PDE4D: variants seen among roughly 807,000 people sequenced by gnomAD.
The protein encoded by PDE4D is 3',5'-cyclic-AMP phosphodiesterase 4D.
Under a neutral mutation model 87.4 loss-of-function variants are expected in PDE4D, and 24 were observed. The observed-to-expected ratio is 0.27, with a 90% confidence interval of 0.20 to 0.39. The LOEUF (loss-of-function observed/expected upper bound fraction) is 0.39, where lower values mean the gene tolerates loss of function less well. PDE4D is among the 10% of genes least tolerant of loss of function. The pLI, the probability that PDE4D is intolerant of heterozygous loss-of-function variation, is 1.00. For synonymous variants in PDE4D, 384 were observed against 383.2 expected (o/e 1.00, Z -0.02); for missense variants, 714 against 1,041.0 (o/e 0.69, Z 4.32).
intron 1 of PDE4D, among the ~76,000 whole-genome samples, chr5:59,288,057 C>G (rs1767323332): frequency 6.6e-6 from 1 of 152,022 alleles, no homozygotes; most frequent in Admixed American, 6.6e-5. Context: ...AATGCCCAGA[C>G]AACAACGAAC....
At chr5:59,538,295 A>C (rs2153682874) in intron 1 of PDE4D, among the ~76,000 whole-genome samples, 1 of 152,310 alleles carries the variant, frequency 6.6e-6, no homozygotes, top group Admixed American at 6.5e-5. Flanking sequence ...TTATGAGAAT[A>C]AAGAGGCCTA....
intron 1 of PDE4D, among the ~76,000 whole-genome samples, chr5:59,297,061 G>A (rs190358799): frequency 1.5e-3 from 235 of 152,254 alleles, no homozygotes; most frequent in African/African-American, 5.3e-3. Context: ...GATCTTTCTG[G>A]AGGAGAGATA....
At chr5:60,431,492 G>A (rs1476168145) in intron 1 of PDE4D, among the ~76,000 whole-genome samples, 6 of 151,510 alleles carry the variant, frequency 4.0e-5, no homozygotes, top group African/African-American at 7.3e-5. Flanking sequence ...GGGCAGAGAC[G>A]CTCCTCACTT....
intron 1 of PDE4D, among the ~76,000 whole-genome samples, chr5:59,782,206 C>T (rs1046319368): frequency 2.6e-5 from 4 of 152,140 alleles, no homozygotes; most frequent in African/African-American, 7.2e-5. Context: ...TAGACATCCT[C>T]GAGTCTGAAA....
chr5:59,637,550 T>C (rs780827824), intron 1 of PDE4D, among the ~76,000 whole-genome samples: 17 of 151,634 alleles, frequency 1.1e-4, no homozygotes, highest in Admixed American at 2.0e-4. Context: ...ATATACACCA[T>C]GGAATACTTT....
intron 5 of PDE4D, among the ~76,000 whole-genome samples, chr5:59,093,699 T>A (rs1168939075): frequency 1.3e-5 from 2 of 152,198 alleles, no homozygotes. Flanking sequence ...TGTTGCTTTG[T>A]TTTGTGTGTG....
intron 1 of PDE4D, among the ~76,000 whole-genome samples, chr5:59,834,556 G>A (rs1741713012): frequency 6.6e-6 from 1 of 151,986 alleles, no homozygotes; most frequent in South Asian, 2.1e-4. Context: ...GGAGTAGAGA[G>A]GAACATGAAT....
At chr5:59,755,999 GATAT>G (rs1227867816) in intron 1 of PDE4D, among the ~76,000 whole-genome samples, 1 of 151,258 alleles carries the variant, frequency 6.6e-6, no homozygotes, top group Admixed American at 6.6e-5. Flanking sequence ...ATTTAAAAAT[GATAT>G]ATATAATATT....
intron 1 of PDE4D, among the ~76,000 whole-genome samples, chr5:59,401,482 A>ATCTGTCTG (rs1291212824): frequency 7.4e-6 from 1 of 135,726 alleles, no homozygotes; most frequent in African/African-American, 2.7e-5. Context: ...CTATCTATCT[A>ATCTGTCTG]TCTATTTTGA....
intron 1 of PDE4D, among the ~76,000 whole-genome samples, chr5:59,881,183 C>G (rs1311874574): frequency 6.6e-6 from 1 of 151,980 alleles, no homozygotes; most frequent in African/African-American, 2.4e-5. Context: ...CTACCAGATG[C>G]CAATAACAGG....
At chr5:59,047,923 C>T (rs974448159) in intron 5 of PDE4D, among the ~76,000 whole-genome samples, 14 of 152,302 alleles carry the variant, frequency 9.2e-5, no homozygotes, top group Middle Eastern at 3.4e-3. Context: ...TCACCAGAAC[C>T]TGACTATGCT....
chr5:59,599,714 C>A (rs1161576990), intron 1 of PDE4D, among the ~76,000 whole-genome samples: 1 of 152,078 alleles, frequency 6.6e-6, no homozygotes, highest in Non-Finnish European at 1.5e-5. Flanking sequence ...TCTCCCCTCT[C>A]CCAGCTGGGC....
At chr5:59,705,032 G>A (rs1403432941) in intron 1 of PDE4D, among the ~76,000 whole-genome samples, 1 of 152,134 alleles carries the variant, frequency 6.6e-6, no homozygotes, top group African/African-American at 2.4e-5. Context: ...ACAACTATCA[G>A]GGATAAACAC....
rs925865673 is a variant in PDE4D, at chr5:60,353,589, A to G, written c.-90+134353T>C. On this transcript the variant is annotated intron_variant, in intron 1 of 16. Coordinates refer to the PDE4D transcript ENST00000502484. ...GCTTCACAAGGGTTCTGGTGAGCAG[A>G]ATTCCCCCAACAGACTAGCACTTTC... 1.1e-4 allele frequency among the ~76,000 whole-genome samples: 16 copies of G among 152,210 alleles called. 1 individual carries two copies. Among genetic ancestry groups the G allele is most frequent in the African/African-American group, 3.6e-4 (15 of 41,446 alleles).
chr5:59,871,077 T>A (rs966094271), intron 1 of PDE4D, among the ~76,000 whole-genome samples: 1 of 152,208 alleles, frequency 6.6e-6, no homozygotes, highest in African/African-American at 2.4e-5. Context: ...TCCCAGATGG[T>A]CAACATCTGT....
intron 1 of PDE4D, among the ~76,000 whole-genome samples, chr5:59,224,617 A>G (rs1329786732): frequency 6.6e-6 from 1 of 152,152 alleles, no homozygotes; most frequent in Non-Finnish European, 1.5e-5. Context: ...TTTCCCCTAT[A>G]ATTCATATGT....
intron 1 of PDE4D, among the ~76,000 whole-genome samples, chr5:59,426,121 G>A (rs1795169450): frequency 6.6e-6 from 1 of 152,182 alleles, no homozygotes; most frequent in African/African-American, 2.4e-5. Flanking sequence ...AACACAGTGA[G>A]AAGGTGGCCA....
At chr5:59,603,378 A>G (rs906461342) in intron 1 of PDE4D, among the ~76,000 whole-genome samples, 5 of 152,058 alleles carry the variant, frequency 3.3e-5, no homozygotes, top group African/African-American at 1.2e-4. Context: ...CAAATGGCCA[A>G]CAGACATATG....
At chr5:59,095,027 C>T (rs1297805551) in intron 5 of PDE4D, among the ~76,000 whole-genome samples, 3 of 151,838 alleles carry the variant, frequency 2.0e-5, no homozygotes, top group Non-Finnish European at 2.9e-5. Context: ...TTTTTTCATA[C>T]AGCTGAGACC....
Sources: gnomAD v4.1 joint callset for allele counts (sites outside exome capture counted in the v4.1 genomes callset) on GRCh38, gnomAD v4.1.1 for gene constraint, MANE v1.5 for transcripts, NCBI Gene and HGNC (gene_info 2026-07-23, HGNC 2026-07-21) for gene names.